The following PRIM2 variants were observed in gnomAD, a reference collection of about 807,000 sequenced individuals.
The protein encoded by PRIM2 is DNA primase large subunit.
PRIM2 carries 39 observed loss-of-function variants against 67.3 expected under a neutral mutation model. The ratio of observed to expected loss-of-function variants is 0.58; its 90% confidence interval spans 0.45 to 0.76. The LOEUF (loss-of-function observed/expected upper bound fraction) is 0.76, where lower values mean the gene tolerates loss of function less well. PRIM2 is among the 30% of genes least tolerant of loss of function. The pLI is 0.00. For synonymous variants in PRIM2, 143 were observed against 198.7 expected, an observed-to-expected ratio of 0.72 and a Z score of 2.36; for missense variants, 398 against 598.7, an observed-to-expected ratio of 0.66 and a Z score of 3.50.
chr6:57,336,028 CT>C (rs1768233525), intron 5 of PRIM2, among the ~76,000 whole-genome samples: 1 of 151,902 alleles, frequency 6.6e-6, no homozygotes, highest in Non-Finnish European at 1.5e-5. Context: ...GCTGATGGAG[CT>C]GAAAACCAAG....
intron 10 of PRIM2, among the ~76,000 whole-genome samples, chr6:57,553,398 G>C: frequency 6.6e-6 from 1 of 151,608 alleles, no homozygotes; most frequent in Middle Eastern, 3.4e-3. Flanking sequence ...ATTGCCTCTT[G>C]AAAAATCTAT....
intron 10 of PRIM2, among the ~76,000 whole-genome samples, chr6:57,600,400 C>T (rs1776442751): frequency 2.0e-5 from 3 of 151,422 alleles, no homozygotes; most frequent in Admixed American, 6.6e-5. Flanking sequence ...ACTATGTTGC[C>T]CAGGCTGAAG....
At chr6:57,567,677 C>T (rs1249085388) in intron 10 of PRIM2, among the ~76,000 whole-genome samples, 2 of 152,106 alleles carry the variant, frequency 1.3e-5, no homozygotes, top group African/African-American at 2.4e-5. Context: ...GCAAAATGCC[C>T]TTTGCCTTTT....
chr6:57,339,605 A>G (rs1768396743), intron 5 of PRIM2, among the ~76,000 whole-genome samples: 1 of 152,206 alleles, frequency 6.6e-6, no homozygotes, highest in South Asian at 2.1e-4. Context: ...AGCAATGGGG[A>G]AAGGATTCCC....
intron 6 of PRIM2, among the ~76,000 whole-genome samples, chr6:57,380,831 T>C (rs1769937333): frequency 6.8e-6 from 1 of 146,862 alleles, no homozygotes; most frequent in Non-Finnish European, 1.5e-5. Flanking sequence ...TACTTGGGCA[T>C]TTTTGTTTCC....
chr6:57,291,208 A>C, the PRIM2 span, among the ~76,000 whole-genome samples: 1 of 152,200 alleles, frequency 6.6e-6, no homozygotes, highest in Non-Finnish European at 1.5e-5. Flanking sequence ...ACCATCAGAG[A>C]ATACTATAAA....
intron 10 of PRIM2, among the ~76,000 whole-genome samples, chr6:57,589,878 G>C (rs1392914676): frequency 2.0e-5 from 3 of 152,092 alleles, no homozygotes; most frequent in Non-Finnish European, 4.4e-5. Flanking sequence ...AAAGAGCAGG[G>C]AAAAAATTCC....
At chr6:57,372,989 T>G (rs1326537782) in intron 5 of PRIM2, among the ~76,000 whole-genome samples, 1 of 152,228 alleles carries the variant, frequency 6.6e-6, no homozygotes, top group Admixed American at 6.5e-5. Flanking sequence ...GTAATGGGAT[T>G]GCTGGCTTCA....
chr6:57,269,968 C>G, the PRIM2 span, among the ~76,000 whole-genome samples: 1 of 152,146 alleles, frequency 6.6e-6, no homozygotes. Flanking sequence ...TCTGAGGGCT[C>G]TGTTCTGTTC....
intron 10 of PRIM2, among the ~76,000 whole-genome samples, chr6:57,546,469 G>A (rs1484794472): frequency 2.0e-5 from 3 of 151,962 alleles, no homozygotes; most frequent in African/African-American, 7.3e-5. Flanking sequence ...AGAAATGAGA[G>A]CAAGAATACA....
At position 57,646,400 on chromosome 6, in the gene PRIM2, G is replaced by A. The variant is rs1168213759; in HGVS notation, c.*242G>A. 5.3e-4 allele frequency: 235 copies of A among 440,342 alleles called. 1 individual carries two copies. The highest frequency in any genetic ancestry group is 4.0e-3 in the African/African-American group (201 of 50,282). 27.3% of individuals were successfully genotyped at this position (440,342 alleles called of 1,614,324 possible). On this transcript the variant is annotated 3_prime_UTR_variant, in exon 14 of 14. Coordinates refer to ENST00000615550, the MANE Select transcript of PRIM2 (RefSeq NM_000947.5). ...TTTCAATTTTTTTTTGTAGAGGTGG[G>A]GGGTCTCCCTATGTTGCCCAGGCAG...
At chr6:57,602,253 G>A (rs1776484373) in intron 11 of PRIM2, among the ~76,000 whole-genome samples, 1 of 152,050 alleles carries the variant, frequency 6.6e-6, no homozygotes, top group Admixed American at 6.5e-5. Flanking sequence ...TAGAGACGAG[G>A]TTTCGCCTAG....
chr6:57,567,119 A>G (rs1775758929), intron 10 of PRIM2, among the ~76,000 whole-genome samples: 1 of 152,186 alleles, frequency 6.6e-6, no homozygotes, highest in Non-Finnish European at 1.5e-5. Context: ...CAGTCATCCA[A>G]ACGAAACATT....
chr6:57,309,964 G>A (rs1331985622), upstream of PRIM2, among the ~76,000 whole-genome samples: 3 of 152,112 alleles, frequency 2.0e-5, no homozygotes, highest in Non-Finnish European at 4.4e-5. Flanking sequence ...AAACTAAAGA[G>A]CTTCTGCATA....
At chr6:57,225,942 C>T in the PRIM2 span, among the ~76,000 whole-genome samples, 1 of 152,112 alleles carries the variant, frequency 6.6e-6, no homozygotes, top group African/African-American at 2.4e-5. Context: ...CTAGTACTTT[C>T]TAGGCAGACA....
the PRIM2 span, among the ~76,000 whole-genome samples, chr6:57,299,170 A>G: frequency 6.6e-6 from 1 of 152,182 alleles, no homozygotes; most frequent in African/African-American, 2.4e-5. Context: ...ATAATCTATT[A>G]TGAAATGCTA....
the PRIM2 span, among the ~76,000 whole-genome samples, chr6:57,222,786 A>G: frequency 2.6e-5 from 4 of 152,212 alleles, no homozygotes; most frequent in African/African-American, 9.6e-5. Flanking sequence ...ATAGAATAGA[A>G]AAAAAAGATG....
rs1451172670 is a variant in PRIM2, at chr6:57,456,267, G to C, written c.694-51120G>C. The stretch of plus-strand genomic sequence containing the variant: ...GTGAATCTGACAATTATGTGTCTTG[G>C]AGTTGCTCTTCTCGAGGAGTATCTT... On this transcript the variant is annotated intron_variant, in intron 7 of 13. Transcript: ENST00000615550. Among the ~76,000 whole-genome samples, 6 of 152,172 alleles carry C rather than the reference G, an allele frequency of 3.9e-5. No individual in the cohort carries two copies. In the East Asian group the frequency reaches 1.2e-3, roughly 29 times the overall value.
At chr6:57,542,587 T>G (rs1392546156) in intron 10 of PRIM2, among the ~76,000 whole-genome samples, 1 of 152,138 alleles carries the variant, frequency 6.6e-6, no homozygotes, top group Admixed American at 6.6e-5. Flanking sequence ...TTTTCAAAAA[T>G]TCTTATAAAA....
Sources: allele counts gnomAD v4.1 joint callset (sites outside exome capture counted in the v4.1 genomes callset), GRCh38; gene constraint gnomAD v4.1.1; transcripts MANE v1.5; gene names NCBI Gene and HGNC (gene_info 2026-07-23, HGNC 2026-07-21).